The following PCDHA5 variants were observed in gnomAD, a reference collection of about 807,000 sequenced individuals.
The protein encoded by PCDHA5 is protocadherin alpha 5, also known as protocadherin alpha-5.
In PCDHA5, 43 loss-of-function variants were observed where a neutral mutation model predicts 61.6. The observed-to-expected ratio is 0.70, with a 90% CI of 0.55 to 0.90. The LOEUF (loss-of-function observed/expected upper bound fraction) is 0.90. Among genes scored for constraint, PCDHA5 ranks in the 40% least tolerant of loss-of-function variants. The pLI is 0.00. For synonymous variants in PCDHA5, 627 were observed against 543.9 expected (o/e 1.15, Z -2.13); for missense variants, 1,298 against 1,222.7 (o/e 1.06, Z -0.92).
intron 1 of PCDHA5, chr5:140,867,045 T>C (rs1232896642): frequency 6.6e-6 from 1 of 152,200 alleles, no homozygotes; most frequent in Non-Finnish European, 1.5e-5. Flanking sequence ...ACTTGGCGTT[T>C]GTTCAGTACT....
chr5:140,857,603 C>T lies in PCDHA5; in HGVS notation c.2352+33476C>T, dbSNP rs547758195. The T allele has an allele frequency of 1.4e-5, 22 of 1,596,384 alleles. 1 individual carries two copies. The highest frequency in any genetic ancestry group is 1.3e-4 in the South Asian group (12 of 90,484). On this transcript the variant is annotated intron_variant, in intron 1 of 3. Transcript: ENST00000529859. ...CGCGGAGAGCGGCAAGGTGTACGCG[C>T]TGCAGCCGCTGGACCACGAGGAGCT...
At chr5:140,858,082 G>T (rs1554151130) in intron 1 of PCDHA5, 2 of 1,597,718 alleles carry the variant, frequency 1.3e-6, no homozygotes, top group East Asian at 2.2e-5. Flanking sequence ...CCAAGGCCTC[G>T]TCGCGGGCTT....
At chr5:140,827,951 A>T (rs1222083879) in intron 1 of PCDHA5, 6 of 1,273,218 alleles carry the variant, frequency 4.7e-6, no homozygotes, top group Middle Eastern at 4.5e-4. Flanking sequence ...CAACATTCAA[A>T]TTTCTTCTAT....
chr5:140,931,314 A>G (rs782684940), intron 1 of PCDHA5, among the ~76,000 whole-genome samples: 3 of 152,176 alleles, frequency 2.0e-5, no homozygotes, highest in Non-Finnish European at 4.4e-5. Context: ...GGAGAATACC[A>G]GTAATGGCTG....
chr5:140,872,265 T>G (rs2053570965), intron 1 of PCDHA5, among the ~76,000 whole-genome samples: 1 of 152,164 alleles, frequency 6.6e-6, no homozygotes, highest in South Asian at 2.1e-4. Context: ...TGTTTTCATA[T>G]TGTTTGAAGA....
At chr5:140,980,515 A>G (rs779201653) in intron 2 of PCDHA5, among the ~76,000 whole-genome samples, 18 of 152,182 alleles carry the variant, frequency 1.2e-4, no homozygotes, top group Non-Finnish European at 2.5e-4. Flanking sequence ...CTGTAGTTCC[A>G]GCTACTAGGG....
chr5:140,861,928 T>G (rs1225434437), intron 1 of PCDHA5: 1 of 154,028 alleles, frequency 6.5e-6, no homozygotes, highest in Non-Finnish European at 1.4e-5. Flanking sequence ...ATGTAAATGA[T>G]GATGCCCAGT....
chr5:141,009,019 C>G (rs1160022658), intron 3 of PCDHA5, among the ~76,000 whole-genome samples: 2 of 152,232 alleles, frequency 1.3e-5, no homozygotes, highest in African/African-American at 4.8e-5. Flanking sequence ...CCTTTAGGCT[C>G]TGTATTTCCC....
At chr5:140,920,960 A>C (rs1554200006) in intron 1 of PCDHA5, among the ~76,000 whole-genome samples, 1 of 151,930 alleles carries the variant, frequency 6.6e-6, no homozygotes, top group Admixed American at 6.6e-5. Flanking sequence ...CTACACATGT[A>C]GTACTAGAGT....
At chr5:140,858,625 T>A (rs2045528405) in intron 1 of PCDHA5, 1 of 1,095,156 alleles carries the variant, frequency 9.1e-7, no homozygotes, top group South Asian at 1.7e-5. Flanking sequence ...CTACCCAGTG[T>A]GTCAGCCTTT....
intron 1 of PCDHA5, chr5:140,829,211 G>T: frequency 1.2e-6 from 2 of 1,614,206 alleles, no homozygotes; most frequent in Non-Finnish European, 1.7e-6. Context: ...CCTAATTAGC[G>T]TGAACGACCT....
chr5:140,850,254 G>C, intron 1 of PCDHA5: 1 of 1,593,786 alleles, frequency 6.3e-7, no homozygotes, highest in Non-Finnish European at 8.6e-7. Flanking sequence ...GTCGGTGGGC[G>C]CCGGCGTAGT....
chr5:140,855,911 G>A (rs2043669744), intron 1 of PCDHA5: 4 of 1,166,768 alleles, frequency 3.4e-6, no homozygotes, highest in East Asian at 4.8e-5. Context: ...AGTTTCTCAA[G>A]GACTAGGAAG....
intron 1 of PCDHA5, among the ~76,000 whole-genome samples, chr5:140,958,215 T>G (rs1554223379): frequency 6.6e-6 from 1 of 152,132 alleles, no homozygotes; most frequent in Non-Finnish European, 1.5e-5. Context: ...GAATTAGATT[T>G]TAAAGGACTT....
intron 1 of PCDHA5, chr5:140,865,437 T>C (rs951308725): frequency 3.3e-5 from 5 of 152,200 alleles, no homozygotes; most frequent in Non-Finnish European, 7.3e-5. Context: ...GAAAAATAAC[T>C]TCTGAGAAGA....
At chr5:140,989,317 C>G (rs184467267) in intron 3 of PCDHA5, among the ~76,000 whole-genome samples, 2 of 152,126 alleles carry the variant, frequency 1.3e-5, no homozygotes, top group Non-Finnish European at 2.9e-5. Context: ...TAGGGTCTCA[C>G]CAACTTTGCC....
intron 1 of PCDHA5, chr5:140,884,253 C>T (rs1356283866): frequency 6.2e-7 from 1 of 1,613,418 alleles, no homozygotes; most frequent in East Asian, 2.2e-5. Context: ...CTGACGGCCA[C>T]GGCAACGGTG....
At chr5:140,845,285 A>G (rs1237210455) in intron 1 of PCDHA5, among the ~76,000 whole-genome samples, 1 of 149,314 alleles carries the variant, frequency 6.7e-6, no homozygotes, top group East Asian at 1.9e-4. Context: ...AATATTTCCT[A>G]TCCTGTCTAT....
chr5:140,985,878 T>A (rs891027308), intron 3 of PCDHA5, among the ~76,000 whole-genome samples: 1 of 151,822 alleles, frequency 6.6e-6, no homozygotes, highest in South Asian at 2.1e-4. Flanking sequence ...TAGCTGGGAC[T>A]ACAGGCGCCC....
Sources: allele counts gnomAD v4.1 joint callset (sites outside exome capture counted in the v4.1 genomes callset), GRCh38; gene constraint gnomAD v4.1.1; transcripts MANE v1.5; gene names NCBI Gene and HGNC (gene_info 2026-07-23, HGNC 2026-07-21).